ZPBP: variants seen among roughly 807,000 people sequenced by gnomAD.
The protein encoded by ZPBP is zona pellucida binding protein, also known as zona pellucida-binding protein 1.
In ZPBP, 26 loss-of-function variants were observed where a neutral mutation model predicts 44.8. The observed-to-expected ratio is 0.58, with a 90% CI of 0.43 to 0.81. ZPBP has a LOEUF of 0.81. Among genes scored for constraint, ZPBP ranks in the 30% least tolerant of loss-of-function variants. The pLI is 0.00. For synonymous variants in ZPBP, 174 were observed against 153.2 expected, an observed-to-expected ratio of 1.14 and a Z score of -1.00; for missense variants, 409 against 434.0, an observed-to-expected ratio of 0.94 and a Z score of 0.51.
chr7:49,878,479 A>C (rs1791536078), intron 2 of ZPBP, among the ~76,000 whole-genome samples: 2 of 152,158 alleles, frequency 1.3e-5, no homozygotes, highest in African/African-American at 4.8e-5. Context: ...GTATTTGCTC[A>C]ATACCTACCT....
At chr7:50,074,235 T>C (rs939942284) in intron 3 of ZPBP, among the ~76,000 whole-genome samples, 6 of 151,946 alleles carry the variant, frequency 3.9e-5, no homozygotes, top group Non-Finnish European at 7.4e-5. Flanking sequence ...GATTATAAGA[T>C]AGCAATTGCA....
At chr7:50,006,996 C>T (rs1015308098) in intron 6 of ZPBP, among the ~76,000 whole-genome samples, 2 of 151,814 alleles carry the variant, frequency 1.3e-5, no homozygotes, top group African/African-American at 4.8e-5. Flanking sequence ...GTGATCAAGT[C>T]ATGAGAGCAG....
intron 7 of ZPBP, among the ~76,000 whole-genome samples, chr7:49,952,918 C>G (rs1270808068): frequency 6.6e-6 from 1 of 151,882 alleles, no homozygotes; most frequent in Non-Finnish European, 1.5e-5. Flanking sequence ...AATAGGAAAT[C>G]CATGTATCAA....
At chr7:49,853,638 T>C (rs1295000713) in intron 2 of ZPBP, among the ~76,000 whole-genome samples, 1 of 152,168 alleles carries the variant, frequency 6.6e-6, no homozygotes, top group Non-Finnish European at 1.5e-5. Flanking sequence ...ACATAAAGTA[T>C]GTTTATGAAC....
chr7:49,853,565 A>G (rs1288208117), intron 2 of ZPBP, among the ~76,000 whole-genome samples: 1 of 151,798 alleles, frequency 6.6e-6, no homozygotes, highest in Non-Finnish European at 1.5e-5. Context: ...TAGACTATAA[A>G]CCCTATAATG....
intron 1 of ZPBP, among the ~76,000 whole-genome samples, chr7:49,929,435 C>T (rs544492427): frequency 6.6e-6 from 1 of 152,142 alleles, no homozygotes; most frequent in Non-Finnish European, 1.5e-5. Flanking sequence ...TCTGACTTCT[C>T]AAAGAAAGTG....
At chr7:50,090,876 T>C (rs905225852) in intron 1 of ZPBP, among the ~76,000 whole-genome samples, 1 of 152,132 alleles carries the variant, frequency 6.6e-6, no homozygotes, top group African/African-American at 2.4e-5. Context: ...TTCAGTTCTT[T>C]AGGGAATCTC....
chr7:50,010,966 T>C (rs1457171513), intron 6 of ZPBP, among the ~76,000 whole-genome samples: 1 of 139,336 alleles, frequency 7.2e-6, no homozygotes, highest in Non-Finnish European at 1.5e-5. Flanking sequence ...CTTCAAACTA[T>C]ACTATGAACT....
intron 6 of ZPBP, among the ~76,000 whole-genome samples, chr7:49,985,602 C>T (rs560496757): frequency 1.4e-5 from 2 of 144,060 alleles, no homozygotes; most frequent in Admixed American, 7.1e-5. Flanking sequence ...ACTCAGATTA[C>T]ATCACACAGA....
chr7:49,864,137 T>G (rs1413934206), intron 2 of ZPBP, among the ~76,000 whole-genome samples: 1 of 152,174 alleles, frequency 6.6e-6, no homozygotes, highest in Non-Finnish European at 1.5e-5. Flanking sequence ...TTCTTAACTA[T>G]TTTTCAGACT....
At chr7:50,005,284 G>A in intron 6 of ZPBP, among the ~76,000 whole-genome samples, 1 of 151,924 alleles carries the variant, frequency 6.6e-6, no homozygotes, top group East Asian at 1.9e-4. Flanking sequence ...GGAATGAAAG[G>A]TCTCTAGAGA....
At position 49,949,068 on chromosome 7, in the gene ZPBP, A is replaced by G. The variant is rs114528265; in HGVS notation, c.962-11446T>C. 3.5e-3 allele frequency among the ~76,000 whole-genome samples: 530 copies of G among 152,256 alleles called. 4 individuals are homozygous for G. Among genetic ancestry groups the G allele is most frequent in the African/African-American group, 0.012 (508 of 41,568 alleles). On this transcript the variant is annotated intron_variant, in intron 7 of 7. Transcript: ENST00000046087. ...ATCTGATAAGATTAATCTCCTTATA[A>G]GAAAACAGACCAGAAACACTGCTAC...
At chr7:50,056,836 G>A (rs944860249) in intron 4 of ZPBP, among the ~76,000 whole-genome samples, 1 of 152,138 alleles carries the variant, frequency 6.6e-6, no homozygotes, top group African/African-American at 2.4e-5. Context: ...GGGAGATGGG[G>A]TAAAGTCTCT....
chr7:49,987,908 C>T (rs1400611493), intron 6 of ZPBP, among the ~76,000 whole-genome samples: 1 of 151,998 alleles, frequency 6.6e-6, no homozygotes. Context: ...TAAAAACAGC[C>T]TTAAAGACTA....
chr7:50,027,373 A>G (rs979113234), intron 5 of ZPBP, among the ~76,000 whole-genome samples: 1 of 152,048 alleles, frequency 6.6e-6, no homozygotes, highest in African/African-American at 2.4e-5. Flanking sequence ...CCTAAACAAC[A>G]AACAGGTCAA....
chr7:49,971,602 T>C (rs1006908380), intron 7 of ZPBP, among the ~76,000 whole-genome samples: 18 of 152,110 alleles, frequency 1.2e-4, no homozygotes, highest in Admixed American at 3.3e-4. Context: ...AGTACAGCAA[T>C]TGAATCAGTA....
At chr7:50,022,145 G>A (rs1349257295) in intron 5 of ZPBP, among the ~76,000 whole-genome samples, 1 of 152,044 alleles carries the variant, frequency 6.6e-6, no homozygotes, top group African/African-American at 2.4e-5. Context: ...ATCAACAGCT[G>A]ATGAAGAATA....
At chr7:50,003,983 G>A (rs1192839383) in intron 6 of ZPBP, among the ~76,000 whole-genome samples, 3 of 152,066 alleles carry the variant, frequency 2.0e-5, no homozygotes, top group African/African-American at 7.2e-5. Context: ...CAGGAAAGCA[G>A]TTTATGAACA....
At chr7:49,955,615 C>T (rs2128761169) in intron 7 of ZPBP, among the ~76,000 whole-genome samples, 1 of 151,532 alleles carries the variant, frequency 6.6e-6, no homozygotes, top group Non-Finnish European at 1.5e-5. Context: ...GGAAAGACTT[C>T]AGAAACCATT....
Sources: allele counts gnomAD v4.1 joint callset (sites outside exome capture counted in the v4.1 genomes callset), GRCh38; gene constraint gnomAD v4.1.1; transcripts MANE v1.5; gene names NCBI Gene and HGNC (gene_info 2026-07-23, HGNC 2026-07-21).